CTIF: variants seen among roughly 807,000 people sequenced by gnomAD.
CTIF encodes the protein cap binding complex dependent translation initiation factor, also known as CBP80/20-dependent translation initiation factor.
In CTIF, 21 loss-of-function variants were observed where a neutral mutation model predicts 66.0. The observed-to-expected ratio is 0.32, with a 90% CI of 0.23 to 0.46. The LOEUF (loss-of-function observed/expected upper bound fraction) is 0.46. Ranked by LOEUF, CTIF falls within the 20% of genes least tolerant of loss-of-function variation. The pLI, the probability that CTIF is intolerant of heterozygous loss-of-function variation, is 1.00. For synonymous variants in CTIF, 345 were observed against 326.4 expected, an observed-to-expected ratio of 1.06 and a Z score of -0.62; for missense variants, 739 against 812.7, an observed-to-expected ratio of 0.91 and a Z score of 1.10.
chr18:48,816,839 G>T (rs754708454), intron 9 of CTIF, among the ~76,000 whole-genome samples: 1 of 152,228 alleles, frequency 6.6e-6, no homozygotes, highest in South Asian at 2.1e-4. Flanking sequence ...TTGGGGGTTA[G>T]CAAAGGGAGA....
At chr18:48,650,102 T>C (rs1022933335) in intron 3 of CTIF, among the ~76,000 whole-genome samples, 1 of 152,158 alleles carries the variant, frequency 6.6e-6, no homozygotes, top group South Asian at 2.1e-4. Context: ...TCGCCAGCAA[T>C]GGAACAAAGC....
At chr18:48,573,702 T>C (rs2089470093) in intron 1 of CTIF, among the ~76,000 whole-genome samples, 1 of 152,098 alleles carries the variant, frequency 6.6e-6, no homozygotes, top group Non-Finnish European at 1.5e-5. Context: ...GGTTGACACA[T>C]GGTGGCAGGG....
intron 10 of CTIF, among the ~76,000 whole-genome samples, chr18:48,851,779 C>G (rs1360477283): frequency 1.3e-5 from 2 of 152,198 alleles, no homozygotes; most frequent in African/African-American, 4.8e-5. Context: ...TGCCTCTTCC[C>G]CACCCAGGGC....
chr18:48,652,420 C>G (rs1015574557), intron 3 of CTIF, among the ~76,000 whole-genome samples: 2 of 152,150 alleles, frequency 1.3e-5, no homozygotes, highest in African/African-American at 4.8e-5. Flanking sequence ...TACACCCTCC[C>G]AAGACTAAAC....
In CTIF at chr18:48,852,262, A is replaced by G. The variant is rs960797508; in HGVS notation, c.1528-5326A>G. On this transcript the variant is annotated intron_variant, in intron 10 of 11. Coordinates refer to ENST00000256413, the MANE Select transcript of CTIF (RefSeq NM_014772.3). Reference sequence around the variant, plus strand: ...AAAAAAAAAAAAAAAAAAAAAAAAAAGTTCCAGCAAGACCACACAGAATTC... The same window carrying G: ...AAAAAAAAAAAAAAAAAAAAAAAAAGGTTCCAGCAAGACCACACAGAATTC... Among the ~76,000 whole-genome samples, 15 of 140,362 alleles carry G rather than the reference A, an allele frequency of 1.1e-4. 1 individual carries two copies. The highest frequency in any genetic ancestry group is 3.5e-4 in the African/African-American group (13 of 37,092). 92.1% of individuals were successfully genotyped at this position (140,362 alleles called of 152,430 possible). A position where few individuals can be genotyped will look rare whatever the true frequency, so the allele number is the denominator to read the frequency against.
At chr18:48,591,670 A>G (rs1206484700) in intron 1 of CTIF, among the ~76,000 whole-genome samples, 2 of 152,186 alleles carry the variant, frequency 1.3e-5, no homozygotes, top group African/African-American at 4.8e-5. Flanking sequence ...ACCCCATTTT[A>G]CAGACTTGGA....
intron 1 of CTIF, among the ~76,000 whole-genome samples, chr18:48,589,848 G>C (rs1366738336): frequency 6.6e-6 from 1 of 152,234 alleles, no homozygotes; most frequent in East Asian, 1.9e-4. Flanking sequence ...GGGTGGGGCA[G>C]AGCCACCTCA....
chr18:48,698,104 TAAAA>T (rs527429582), intron 6 of CTIF, among the ~76,000 whole-genome samples: 15 of 13,058 alleles, frequency 1.1e-3, no homozygotes, highest in Middle Eastern at 0.038. Flanking sequence ...TAGCCATCAT[TAAAA>T]AAAAAAAAAA....
Position 48,757,887 on chromosome 18 carries a change from C to A in CTIF, c.585-32C>A, listed in dbSNP as rs774142450. 3.1e-6 allele frequency: 5 copies of A among 1,588,506 alleles called. No individual in the cohort carries two copies. In the South Asian group the frequency reaches 3.4e-5, roughly 11 times the overall value. ...GACTCTGACCAGCCCGCCCAGTGAT[C>A]GCCTTCTCTGTCTTTCCTCTTCCGT... is the stretch of plus-strand genomic sequence containing the variant. On this transcript the variant is annotated intron_variant, in intron 7 of 11. Coordinates refer to ENST00000256413, the MANE Select transcript of CTIF (RefSeq NM_014772.3).
intron 10 of CTIF, among the ~76,000 whole-genome samples, chr18:48,821,847 A>G (rs2146364949): frequency 6.6e-6 from 1 of 152,372 alleles, no homozygotes; most frequent in South Asian, 2.1e-4. Flanking sequence ...AGGATACTGA[A>G]TATGGATCTA....
intron 9 of CTIF, among the ~76,000 whole-genome samples, chr18:48,778,484 C>T (rs756764155): frequency 1.3e-4 from 20 of 152,184 alleles, no homozygotes; most frequent in East Asian, 3.9e-4. Context: ...CTATCTTCAT[C>T]GATGGGACTC....
intron 6 of CTIF, among the ~76,000 whole-genome samples, chr18:48,708,612 A>G (rs1218521150): frequency 6.6e-6 from 1 of 152,164 alleles, no homozygotes; most frequent in Admixed American, 6.5e-5. Context: ...AGCCCTCTAT[A>G]GCCCTGGCCT....
chr18:48,720,374 G>T (rs1016672794), intron 7 of CTIF, among the ~76,000 whole-genome samples: 2 of 152,060 alleles, frequency 1.3e-5, no homozygotes, highest in Admixed American at 6.6e-5. Flanking sequence ...TGTTGCTGAG[G>T]CCCTCGCAGA....
chr18:48,753,588 A>G (rs777792709), intron 7 of CTIF, among the ~76,000 whole-genome samples: 1 of 150,286 alleles, frequency 6.7e-6, no homozygotes, highest in Non-Finnish European at 1.5e-5. Flanking sequence ...ATAAACCGAC[A>G]ATTTCCATTC....
At chr18:48,821,975 A>T (rs1271606523) in intron 10 of CTIF, among the ~76,000 whole-genome samples, 1 of 151,616 alleles carries the variant, frequency 6.6e-6, no homozygotes, top group Non-Finnish European at 1.5e-5. Context: ...TTGATTAGCG[A>T]CTCCCCATCT....
chr18:48,626,409 A>T (rs1048222302), intron 2 of CTIF, among the ~76,000 whole-genome samples: 2 of 151,502 alleles, frequency 1.3e-5, no homozygotes, highest in African/African-American at 4.9e-5. Context: ...TTGCCATGGC[A>T]TGCTCTCGGC....
At chr18:48,814,383 C>A (rs2068320097) in intron 9 of CTIF, among the ~76,000 whole-genome samples, 1 of 152,142 alleles carries the variant, frequency 6.6e-6, no homozygotes, top group African/African-American at 2.4e-5. Flanking sequence ...GGGTGGGGTC[C>A]CAACATCAGC....
intron 7 of CTIF, among the ~76,000 whole-genome samples, chr18:48,727,899 A>C (rs2092399504): frequency 6.6e-6 from 1 of 152,142 alleles, no homozygotes; most frequent in South Asian, 2.1e-4. Flanking sequence ...TAATTTTAGC[A>C]TCATTTGCCA....
At chr18:48,553,318 C>G (rs1236847678) in intron 1 of CTIF, among the ~76,000 whole-genome samples, 1 of 152,200 alleles carries the variant, frequency 6.6e-6, no homozygotes, top group Non-Finnish European at 1.5e-5. Context: ...CAGCCTCATT[C>G]GCACCAGAGA....
Sources: allele counts gnomAD v4.1 joint callset (sites outside exome capture counted in the v4.1 genomes callset), GRCh38; gene constraint gnomAD v4.1.1; transcripts MANE v1.5; gene names NCBI Gene and HGNC (gene_info 2026-07-23, HGNC 2026-07-21).